PRKCH: variants seen among roughly 807,000 people sequenced by gnomAD.
PRKCH encodes protein kinase C eta.
Under a neutral mutation model 82.5 loss-of-function variants are expected in PRKCH, and 28 were observed. The observed-to-expected ratio is 0.34, with a 90% CI of 0.25 to 0.47. PRKCH has a LOEUF of 0.47. PRKCH is among the 20% of genes least tolerant of loss of function. The pLI is 1.00. For synonymous variants in PRKCH, 322 were observed against 327.4 expected (o/e 0.98, Z 0.18); for missense variants, 705 against 881.8 (o/e 0.80, Z 2.54).
At chr14:61,344,638 C>T (rs899351036) in intron 1 of PRKCH, among the ~76,000 whole-genome samples, 6 of 152,054 alleles carry the variant, frequency 3.9e-5, no homozygotes, top group Non-Finnish European at 7.4e-5. Flanking sequence ...AGGTACGCCT[C>T]GGGTGACACT....
Position 61,463,779 on chromosome 14 carries a change from G to A in PRKCH, c.1278+6100G>A, listed in dbSNP as rs148387033. Among the ~76,000 whole-genome samples, 850 of 152,232 alleles carry A rather than the reference G, an allele frequency of 5.6e-3. 5 individuals carry two copies. Among genetic ancestry groups the A allele is most frequent in the African/African-American group, 0.02 (811 of 41,516 alleles). ...CCACTATTCTATTCTGTTTCTATGA[G>A]TTTGGCTTTATTTGATTACACATAT... On this transcript the variant is annotated intron_variant, in intron 9 of 13. Coordinates refer to ENST00000332981, the MANE Select transcript of PRKCH (RefSeq NM_006255.5).
intron 1 of PRKCH, among the ~76,000 whole-genome samples, chr14:61,332,826 G>A (rs958753603): frequency 2.6e-5 from 4 of 152,112 alleles, no homozygotes; most frequent in African/African-American, 7.2e-5. Flanking sequence ...CTCTCGTGTC[G>A]CAAGCCCTTA....
chr14:61,513,380 A>G (rs7159288), intron 10 of PRKCH, among the ~76,000 whole-genome samples: 25,004 of 152,026 alleles, frequency 0.16, 4,188 homozygotes, highest in African/African-American at 0.42. Flanking sequence ...CAGTGCAAGA[A>G]ATGCTGTCAT....
At chr14:61,351,785 G>T (rs2046078578) in intron 1 of PRKCH, among the ~76,000 whole-genome samples, 1 of 152,126 alleles carries the variant, frequency 6.6e-6, no homozygotes, top group Non-Finnish European at 1.5e-5. Flanking sequence ...AGGAAAAAGT[G>T]ACCCAAATTT....
chr14:61,396,785 T>C (rs190045779), intron 2 of PRKCH, among the ~76,000 whole-genome samples: 210 of 151,624 alleles, frequency 1.4e-3, no homozygotes, highest in Non-Finnish European at 2.0e-3. Context: ...GTGCTGAAGA[T>C]TGGGGAGTGG....
chr14:61,386,147 C>T (rs1457565422), intron 1 of PRKCH, among the ~76,000 whole-genome samples: 1 of 152,150 alleles, frequency 6.6e-6, no homozygotes, highest in Non-Finnish European at 1.5e-5. Context: ...TAACATACCT[C>T]CCTGGAGAGT....
At chr14:61,415,371 C>G (rs866682667) in intron 2 of PRKCH, among the ~76,000 whole-genome samples, 5 of 152,224 alleles carry the variant, frequency 3.3e-5, no homozygotes, top group Non-Finnish European at 7.3e-5. Context: ...CCCCCTACCC[C>G]CCATCTCCCA....
chr14:61,288,336 C>T lies in PRKCH; in HGVS notation c.-19+100668C>T, dbSNP rs555789969. On this transcript the variant is annotated intron_variant, in intron 1 of 3. Coordinates refer to the PRKCH transcript ENST00000555185. The stretch of plus-strand genomic sequence containing the variant: ...TCTTGAACTCCTGAACTCAAGCGAT[C>T]CTCCTGCCTCAGCCTCTCAAAGTGC... Among the ~76,000 whole-genome samples the T allele has an allele frequency of 1.6e-4, 24 of 152,278 alleles. No individual in the cohort carries two copies. The East Asian group carries it at 4.6e-3, about 29-fold the overall frequency.
At chr14:61,385,795 C>T (rs900158918) in intron 1 of PRKCH, among the ~76,000 whole-genome samples, 1 of 152,140 alleles carries the variant, frequency 6.6e-6, no homozygotes, top group African/African-American at 2.4e-5. Context: ...TTTCTGTCCC[C>T]TTATATGCAA....
chr14:61,317,078 G>A (rs1404948005), upstream of PRKCH, among the ~76,000 whole-genome samples: 1 of 152,178 alleles, frequency 6.6e-6, no homozygotes, highest in Non-Finnish European at 1.5e-5. Flanking sequence ...CTTCAATCAG[G>A]CAATTTTGGG....
chr14:61,413,640 T>C (rs1222390363), intron 2 of PRKCH, among the ~76,000 whole-genome samples: 2 of 151,758 alleles, frequency 1.3e-5, no homozygotes, highest in Non-Finnish European at 2.9e-5. Flanking sequence ...AACTTCTCCA[T>C]TTCCTTCTCT....
chr14:61,321,240 A>C, upstream of PRKCH, among the ~76,000 whole-genome samples: 1 of 152,116 alleles, frequency 6.6e-6, no homozygotes, highest in Non-Finnish European at 1.5e-5. The surrounding 1 kb of genome is among the most constrained non-coding windows in gnomAD (Gnocchi z 4.1). Flanking sequence ...AGGTTGGGAG[A>C]GAGGGGGCGG....
At chr14:61,268,640 C>G (rs1438626398) in intron 1 of PRKCH, among the ~76,000 whole-genome samples, 1 of 152,168 alleles carries the variant, frequency 6.6e-6, no homozygotes, top group Non-Finnish European at 1.5e-5. Context: ...TGCACTCCAA[C>G]CTGGGTGACA....
chr14:61,374,102 A>AT (rs745338449), intron 1 of PRKCH, among the ~76,000 whole-genome samples: 22 of 152,158 alleles, frequency 1.4e-4, no homozygotes, highest in Admixed American at 4.6e-4. Flanking sequence ...CAATGGGGCT[A>AT]CAGGCCCCAT....
At chr14:61,332,398 G>C (rs1566824496) in intron 1 of PRKCH, among the ~76,000 whole-genome samples, 1 of 152,210 alleles carries the variant, frequency 6.6e-6, no homozygotes, top group Admixed American at 6.5e-5. Context: ...AGCAGTATCT[G>C]TCAAAGCACA....
intron 1 of PRKCH, among the ~76,000 whole-genome samples, chr14:61,221,766 C>T (rs1317014624): frequency 6.6e-6 from 1 of 152,196 alleles, no homozygotes. Context: ...CCCAGTGTCA[C>T]CCCTGTGTCC....
intron 1 of PRKCH, among the ~76,000 whole-genome samples, chr14:61,296,330 CT>C (rs1385609248): frequency 6.6e-6 from 1 of 152,112 alleles, no homozygotes; most frequent in Non-Finnish European, 1.5e-5. Context: ...TTGGCAGCTC[CT>C]CGGGGGATCG....
intron 10 of PRKCH, among the ~76,000 whole-genome samples, chr14:61,515,376 T>C (rs1192767398): frequency 1.3e-5 from 2 of 152,218 alleles, no homozygotes; most frequent in South Asian, 4.1e-4. Flanking sequence ...GTTCAACTTA[T>C]TCTACCTAGC....
intron 2 of PRKCH, among the ~76,000 whole-genome samples, chr14:61,412,471 C>T (rs1882317373): frequency 6.6e-6 from 1 of 152,100 alleles, no homozygotes; most frequent in Non-Finnish European, 1.5e-5. Flanking sequence ...TTATCTGAAC[C>T]ATAAGCTCCT....
Sources: allele counts gnomAD v4.1 joint callset (sites outside exome capture counted in the v4.1 genomes callset), GRCh38; gene constraint gnomAD v4.1.1; non-coding constraint Gnocchi (gnomAD v3.1); transcripts MANE v1.5; gene names NCBI Gene and HGNC (gene_info 2026-07-23, HGNC 2026-07-21).